The following NLGN1 variants were observed in gnomAD, a reference collection of about 807,000 sequenced individuals.
The protein encoded by NLGN1 is neuroligin-1.
In NLGN1, 12 loss-of-function variants were observed where a neutral mutation model predicts 65.5. The observed-to-expected ratio is 0.18, with a 90% confidence interval of 0.12 to 0.30. The LOEUF is 0.30. Among genes scored for constraint, NLGN1 ranks in the 10% least tolerant of loss-of-function variants. The pLI is 1.00. For missense variants in NLGN1, 750 were observed against 1,007.1 expected (o/e 0.74, Z 3.46); for synonymous variants, 350 against 359.5 (o/e 0.97, Z 0.30).
intron 4 of NLGN1, among the ~76,000 whole-genome samples, chr3:174,035,578 G>A (rs1730953015): frequency 6.6e-6 from 1 of 152,144 alleles, no homozygotes; most frequent in Non-Finnish European, 1.5e-5. Context: ...TGTTTGGTAT[G>A]TGCTTAGCAC....
chr3:173,621,649 G>A (rs957862113), intron 3 of NLGN1, among the ~76,000 whole-genome samples: 1 of 152,010 alleles, frequency 6.6e-6, no homozygotes, highest in Non-Finnish European at 1.5e-5. Context: ...AAAGTGACTG[G>A]CAGTGGAAAT....
At chr3:174,060,389 G>T (rs1273908550) in intron 4 of NLGN1, among the ~76,000 whole-genome samples, 1 of 152,020 alleles carries the variant, frequency 6.6e-6, no homozygotes, top group Non-Finnish European at 1.5e-5. Context: ...AAAATGGGAA[G>T]CAACTCAGGA....
intron 3 of NLGN1, among the ~76,000 whole-genome samples, chr3:173,624,828 G>A (rs561791411): frequency 5.7e-4 from 64 of 113,222 alleles, no homozygotes; most frequent in African/African-American, 1.7e-3. Context: ...GGAAGATGAC[G>A]ATTTATAATT....
At chr3:173,707,138 C>CT (rs1317225881) in intron 3 of NLGN1, among the ~76,000 whole-genome samples, 1 of 152,198 alleles carries the variant, frequency 6.6e-6, no homozygotes, top group Non-Finnish European at 1.5e-5. Flanking sequence ...GGAACCACGT[C>CT]TGACCTATTT....
intron 4 of NLGN1, among the ~76,000 whole-genome samples, chr3:174,152,593 T>C (rs1422486697): frequency 2.0e-5 from 3 of 151,952 alleles, no homozygotes; most frequent in Non-Finnish European, 4.4e-5. Flanking sequence ...CATGTATACA[T>C]ATGTAACAAA....
chr3:173,959,644 T>C (rs533670387), intron 4 of NLGN1, among the ~76,000 whole-genome samples: 27 of 152,376 alleles, frequency 1.8e-4, no homozygotes, highest in Non-Finnish European at 3.2e-4. Context: ...TGGTCAACTT[T>C]GCAATAGATT....
At position 173,677,288 on chromosome 3, in the gene NLGN1, C is replaced by T. The variant is rs538640640; in HGVS notation, c.493+72197C>T. Among the ~76,000 whole-genome samples, 8 of 152,066 alleles carry T rather than the reference C, an allele frequency of 5.3e-5. No homozygotes were observed. In the South Asian group the frequency reaches 1.7e-3, roughly 32 times the overall value. ...CTCTCACCAGACCCAAAGGTAGTAC[C>T]GTCTTGCACCTGCTTGGAACTATGT... On this transcript the variant is annotated intron_variant, in intron 3 of 6. Coordinates refer to ENST00000457714, the Ensembl canonical transcript of NLGN1.
intron 4 of NLGN1, among the ~76,000 whole-genome samples, chr3:173,845,984 A>G (rs749559716): frequency 6.6e-6 from 1 of 151,972 alleles, no homozygotes; most frequent in Admixed American, 6.6e-5. Context: ...GGGTCTTGCT[A>G]TGTTGCCCAG....
chr3:173,454,554 C>G (rs1485290319), intron 2 of NLGN1, among the ~76,000 whole-genome samples: 1 of 151,594 alleles, frequency 6.6e-6, no homozygotes, highest in Non-Finnish European at 1.5e-5. Context: ...GCACTTTCTA[C>G]ATGCACTTTT....
rs543198122 is a variant in NLGN1 at position 173,489,179 on chromosome 3, C to T, written c.-321+54101C>T. Among the ~76,000 whole-genome samples the T allele has an allele frequency of 8.3e-4, 126 of 151,822 alleles. 1 individual carries two copies. Among genetic ancestry groups the T allele is most frequent in the Non-Finnish European group, 1.5e-3 (100 of 67,974 alleles). On this transcript the variant is annotated intron_variant, in intron 2 of 6. Transcript: ENST00000457714. ...ATACATGTGCCATGTTGGTGTGTTG[C>T]ACCAATTAACTCATCATTTACATTA...
chr3:173,464,188 G>A (rs1467707057), intron 2 of NLGN1, among the ~76,000 whole-genome samples: 4 of 152,030 alleles, frequency 2.6e-5, no homozygotes, highest in Non-Finnish European at 5.9e-5. Flanking sequence ...CTATGGAGAA[G>A]CATGATATGA....
At chr3:174,053,777 AC>A (rs1440472277) in intron 4 of NLGN1, among the ~76,000 whole-genome samples, 2 of 151,716 alleles carry the variant, frequency 1.3e-5, no homozygotes, top group Admixed American at 6.6e-5. Flanking sequence ...TTCATTTGCT[AC>A]CTTTTCCTTG....
intron 4 of NLGN1, among the ~76,000 whole-genome samples, chr3:174,235,159 G>C (rs1741484932): frequency 6.6e-6 from 1 of 151,764 alleles, no homozygotes; most frequent in Non-Finnish European, 1.5e-5. Flanking sequence ...ATATGTCCAG[G>C]AGTTTGCAGT....
intron 4 of NLGN1, among the ~76,000 whole-genome samples, chr3:173,958,061 C>A (rs754502098): frequency 3.9e-5 from 6 of 152,192 alleles, no homozygotes; most frequent in Non-Finnish European, 8.8e-5. Flanking sequence ...AGCTTGGAGA[C>A]ACCAAGAACT....
intron 4 of NLGN1, among the ~76,000 whole-genome samples, chr3:173,980,000 C>T (rs551405682): frequency 1.8e-4 from 27 of 152,198 alleles, no homozygotes; most frequent in African/African-American, 5.5e-4. Context: ...CTTCCATTCT[C>T]ATCTTCTGGA....
intron 2 of NLGN1, among the ~76,000 whole-genome samples, chr3:173,597,556 A>G (rs897605259): frequency 6.6e-6 from 1 of 151,814 alleles, no homozygotes. Flanking sequence ...TGATTCCCAC[A>G]CCTTTGTATC....
intron 2 of NLGN1, among the ~76,000 whole-genome samples, chr3:173,551,862 CTGACACCAAAACTTTACATGAGG>C (rs1740926457): frequency 6.6e-6 from 1 of 152,182 alleles, no homozygotes; most frequent in East Asian, 1.9e-4. Flanking sequence ...GTAAGCCTGG[CTGACACCAAAACTTTACATGAGG>C]TGGACACTCA....
chr3:174,087,269 C>A (rs1279946396), intron 4 of NLGN1, among the ~76,000 whole-genome samples: 2 of 152,046 alleles, frequency 1.3e-5, no homozygotes, highest in Admixed American at 1.3e-4. Flanking sequence ...TACCTTTGAA[C>A]CTAAAATAAA....
chr3:174,161,617 C>A (rs1726530355), intron 4 of NLGN1, among the ~76,000 whole-genome samples: 2 of 151,650 alleles, frequency 1.3e-5, no homozygotes, highest in Non-Finnish European at 2.9e-5. Context: ...GGGAAGAAAT[C>A]CAACAATGTA....
Sources: gnomAD v4.1 joint callset for allele counts (sites outside exome capture counted in the v4.1 genomes callset) on GRCh38, gnomAD v4.1.1 for gene constraint, MANE v1.5 for transcripts, NCBI Gene and HGNC (gene_info 2026-07-23, HGNC 2026-07-21) for gene names.